Variants in SUFU observed in about 807,000 individuals in gnomAD.
The protein encoded by SUFU is SUFU negative regulator of hedgehog signaling.
SUFU carries 7 observed loss-of-function variants against 58.9 expected under a neutral mutation model. The observed-to-expected ratio is 0.12, with a 90% confidence interval of 0.07 to 0.22. The LOEUF (loss-of-function observed/expected upper bound fraction) is 0.22, where lower values mean the gene tolerates loss of function less well. SUFU is among the 10% of genes least tolerant of loss of function. SUFU has a pLI of 1.00. For synonymous variants in SUFU, 232 were observed against 254.8 expected, an observed-to-expected ratio of 0.91 and a Z score of 0.85; for missense variants, 451 against 641.3, an observed-to-expected ratio of 0.70 and a Z score of 3.20.
Position 102,619,272 on chromosome 10 carries a change from GT to G in SUFU, c.1296+1846del. 2 of 1,455,610 alleles carry G rather than the reference GT, an allele frequency of 1.4e-6. No homozygotes were observed. The highest frequency in any genetic ancestry group is 1.8e-6 in the Non-Finnish European group (2 of 1,105,262). 90.2% of individuals were successfully genotyped at this position (1,455,610 alleles called of 1,614,324 possible). A position where few individuals can be genotyped will look rare whatever the true frequency, so the allele number is the denominator to read the frequency against. The stretch of plus-strand genomic sequence containing the variant: ...AGCCCCTGACCCCCTAGCTGCCGGG[GT>G]TCCCACTCCCAGTGCCACAACCCCC... On this transcript the variant is annotated intron_variant, in intron 10 of 11. Coordinates refer to ENST00000369902, the MANE Select transcript of SUFU (RefSeq NM_016169.4). This position sits in a 1 kb window ranked among gnomAD's most constrained non-coding sequence, Gnocchi z 4.2.
chr10:102,592,504 G>A (rs918295905), intron 3 of SUFU, 78 bp from the exon 4 acceptor site: 3 of 1,581,806 alleles, frequency 1.9e-6, no homozygotes, highest in Non-Finnish European at 1.7e-6. Flanking sequence ...CCCAGCCTGG[G>A]CTAGTGAGAT....
In SUFU at chr10:102,542,444, A is replaced by ATATT. The variant is rs1554845706; in HGVS notation, c.318-7525_318-7524insATTT. On this transcript the variant is annotated intron_variant, in intron 2 of 11. Transcript: ENST00000369902. Reference sequence around the variant, plus strand: ...CTGCGCCCGGCCTATATATATATATATTTTTTTTTAAGTAGAGATGGGGTT... The same window carrying ATATT: ...CTGCGCCCGGCCTATATATATATATATATTTTTTTTTTTAAGTAGAGATGGGGTT... Among the ~76,000 whole-genome samples the ATATT allele has an allele frequency of 1.8e-4, 22 of 122,450 alleles. No homozygotes were observed. In the Admixed American group the frequency reaches 1.9e-3, roughly 10 times the overall value. The allele number at this position is 122,450 out of a possible 152,430, so 80.3% of individuals were successfully genotyped here.
chr10:102,582,948 G>A (rs2063298826), intron 3 of SUFU, among the ~76,000 whole-genome samples: 1 of 152,288 alleles, frequency 6.6e-6, no homozygotes, highest in East Asian at 1.9e-4. Flanking sequence ...AGGATACCTT[G>A]GGGAGCAAGA....
chr10:102,612,940 C>T (rs2063641626), intron 8 of SUFU, among the ~76,000 whole-genome samples: 1 of 152,132 alleles, frequency 6.6e-6, no homozygotes, highest in Non-Finnish European at 1.5e-5. Flanking sequence ...AGTAAGGGCT[C>T]AGGAAACATG....
chr10:102,504,365 G>T (rs1433655372), intron 1 of SUFU, 31 bp downstream of exon 1: 1 of 1,613,220 alleles, frequency 6.2e-7, no homozygotes, highest in Non-Finnish European at 8.5e-7. Flanking sequence ...AGACGGACAG[G>T]CGCGGGCTGG....
At position 102,630,331 on chromosome 10, in the gene SUFU, C is replaced by T; in HGVS notation, c.*176C>T. Reference sequence around the variant, plus strand: ...TGCACAGGCCACAGGCCCTCCACCTCACCTCCAGCTCAGGGGCCGCACCCC... The same window carrying T: ...TGCACAGGCCACAGGCCCTCCACCTTACCTCCAGCTCAGGGGCCGCACCCC... On this transcript the variant is annotated 3_prime_UTR_variant, in exon 12 of 12. Transcript: ENST00000369902. The T allele has an allele frequency of 1.5e-6, 1 of 652,998 alleles. No homozygotes were observed. The highest frequency in any genetic ancestry group is 1.8e-5 in the African/African-American group (1 of 55,684). The allele number at this position is 652,998 out of a possible 1,614,324, so 40.5% of individuals were successfully genotyped here.
In SUFU at chr10:102,602,282, C is replaced by G. The variant is rs1406112435; in HGVS notation, c.1022+2738C>G. On this transcript the variant is annotated intron_variant, in intron 8 of 11. Coordinates refer to ENST00000369902, the MANE Select transcript of SUFU (RefSeq NM_016169.4). Reference sequence around the variant, plus strand: ...GAGCTTAGTTACAGCCATCTATCAGCCATTAAAATGGATGTAATCTTCCTT... The same window carrying G: ...GAGCTTAGTTACAGCCATCTATCAGGCATTAAAATGGATGTAATCTTCCTT... 2.6e-5 allele frequency among the ~76,000 whole-genome samples: 4 copies of G among 152,186 alleles called. No individual in the cohort carries two copies. The East Asian group carries it at 7.7e-4, about 29-fold the overall frequency.
At position 102,617,524 on chromosome 10, in the gene SUFU, C is replaced by CT. The variant is rs550927444; in HGVS notation, c.1296+97dup. The CT allele has an allele frequency of 1.4e-4, 215 of 1,556,412 alleles. 6 individuals are homozygous for CT. In the South Asian group the frequency reaches 2.3e-3, roughly 17 times the overall value. ...TGGCAGCTCTTGATGGCACCCCTTC[C>CT]TGGGGGGCTGGTCATGAATGCCTCA... is the stretch of plus-strand genomic sequence containing the variant. On this transcript the variant is annotated intron_variant, in intron 10 of 11. Coordinates refer to ENST00000369902, the MANE Select transcript of SUFU (RefSeq NM_016169.4). The surrounding 1 kb of genome is among the most constrained non-coding windows in gnomAD (Gnocchi z 4.4).
intron 8 of SUFU, among the ~76,000 whole-genome samples, chr10:102,606,386 C>T (rs1303847797): frequency 1.3e-5 from 2 of 152,216 alleles, no homozygotes; most frequent in Non-Finnish European, 2.9e-5. Flanking sequence ...CTGGTCCTCG[C>T]GGCTGAGTGG....
intron 8 of SUFU, among the ~76,000 whole-genome samples, chr10:102,605,975 G>C (rs2063559257): frequency 6.6e-6 from 1 of 152,188 alleles, no homozygotes; most frequent in Admixed American, 6.5e-5. Context: ...GAGTCTCAAT[G>C]GTTCAGCTCC....
At chr10:102,511,581 G>C (rs900387135) in intron 2 of SUFU, among the ~76,000 whole-genome samples, 4 of 151,684 alleles carry the variant, frequency 2.6e-5, no homozygotes, top group African/African-American at 9.7e-5. Flanking sequence ...ATCTTATCAG[G>C]GTCTCGTTAT....
At chr10:102,581,783 C>G (rs1322738760) in intron 3 of SUFU, among the ~76,000 whole-genome samples, 1 of 152,190 alleles carries the variant, frequency 6.6e-6, no homozygotes, top group African/African-American at 2.4e-5. Flanking sequence ...CCCCCTAGGA[C>G]CAGCTCCGGG....
Position 102,619,078 on chromosome 10 carries a change from C to T in SUFU, c.1296+1650C>T. The T allele has an allele frequency of 6.2e-7, 1 of 1,612,740 alleles. No individual in the cohort carries two copies. The highest frequency in any genetic ancestry group is 8.5e-7 in the Non-Finnish European group (1 of 1,179,858). On this transcript the variant is annotated intron_variant, in intron 10 of 11. Transcript: ENST00000369902. This position sits in a 1 kb window ranked among gnomAD's most constrained non-coding sequence, Gnocchi z 4.2. ...TTGACATCCTCAGCTCTGAACCTAT[C>T]CTCGGAGCTCTGCCCTCCCGTCCTG... is the stretch of plus-strand genomic sequence containing the variant.
intron 7 of SUFU, among the ~76,000 whole-genome samples, chr10:102,598,904 A>G (rs1371418792): frequency 1.3e-5 from 2 of 152,166 alleles, no homozygotes. Context: ...ATGGAGAGGC[A>G]GAGTTTCCTG....
At chr10:102,517,683 T>C (rs7912901) in intron 2 of SUFU, among the ~76,000 whole-genome samples, 53,320 of 152,030 alleles carry the variant, frequency 0.35, 9,511 homozygotes, top group African/African-American at 0.39. Context: ...CAGTGCAGCT[T>C]CATTTCTTGT....
intron 2 of SUFU, among the ~76,000 whole-genome samples, chr10:102,544,772 A>T (rs2062836301): frequency 6.6e-6 from 1 of 152,164 alleles, no homozygotes; most frequent in Non-Finnish European, 1.5e-5. Flanking sequence ...GTCACTCCCC[A>T]TTCTGTCCTC....
At chr10:102,624,733 C>G (rs2063771214) in intron 10 of SUFU, among the ~76,000 whole-genome samples, 3 of 152,188 alleles carry the variant, frequency 2.0e-5, no homozygotes, top group South Asian at 2.1e-4. Flanking sequence ...AGCACCAGTT[C>G]CAGACCTTTG....
intron 2 of SUFU, among the ~76,000 whole-genome samples, chr10:102,541,669 G>C (rs187149772): frequency 1.5e-3 from 215 of 141,018 alleles, no homozygotes; most frequent in African/African-American, 5.2e-3. Flanking sequence ...AAAGTGCTAG[G>C]ATTGCAGGCG....
intron 3 of SUFU, among the ~76,000 whole-genome samples, chr10:102,580,027 G>GCCC (rs1378925159): frequency 0.032 from 1,333 of 41,384 alleles, 8 homozygotes; most frequent in African/African-American, 0.04. Flanking sequence ...CTCCTCCCCC[G>GCCC]CACCCCCCCC....
Sources: gnomAD v4.1 joint callset for allele counts (sites outside exome capture counted in the v4.1 genomes callset) on GRCh38, gnomAD v4.1.1 for gene constraint, Gnocchi (gnomAD v3.1) non-coding constraint, MANE v1.5 for transcripts, NCBI Gene and HGNC (gene_info 2026-07-23, HGNC 2026-07-21) for gene names.